PLXNA1: variants seen among roughly 807,000 people sequenced by gnomAD.
The protein encoded by PLXNA1 is plexin-A1.
Under a neutral mutation model 191.7 loss-of-function variants are expected in PLXNA1, and 77 were observed. The ratio of observed to expected loss-of-function variants is 0.40; its 90% CI spans 0.33 to 0.49. PLXNA1 has a LOEUF of 0.49. Ranked by LOEUF, PLXNA1 falls within the 20% of genes least tolerant of loss-of-function variation. The pLI is 0.63. For synonymous variants in PLXNA1, 1,137 were observed against 1,156.4 expected (o/e 0.98, Z 0.34); for missense variants, 2,110 against 2,660.2 (o/e 0.79, Z 4.55).
chr3:127,028,654 G>A, intron 25 of PLXNA1: 1 of 523,534 alleles, frequency 1.9e-6, no homozygotes, highest in South Asian at 2.4e-5. Flanking sequence ...GAGGGGATGG[G>A]ACGGGTTTGG....
intron 3 of PLXNA1, among the ~76,000 whole-genome samples, chr3:126,994,492 T>C (rs2079005699): frequency 6.7e-6 from 1 of 149,584 alleles, no homozygotes; most frequent in Non-Finnish European, 1.5e-5. Flanking sequence ...GGGTTTGGGG[T>C]GAGGGGCCAG....
intron 2 of PLXNA1, among the ~76,000 whole-genome samples, 155 bp from the exon 3 acceptor site, chr3:126,991,229 C>T (rs1274791330): frequency 2.6e-5 from 4 of 152,238 alleles, no homozygotes; most frequent in Non-Finnish European, 2.9e-5. Flanking sequence ...GATCTGCTCC[C>T]TCCTGTCTTA....
rs151286164 is a variant in PLXNA1 at position 127,027,987 on chromosome 3, G to A, written c.4410G>A (p.Gln1470=). The A allele has an allele frequency of 1.1e-4, 177 of 1,613,956 alleles. No homozygotes were observed. In the African/African-American group the frequency reaches 1.9e-3, roughly 17 times the overall value. The change falls in exon 24 of 32, where the codon CAG becomes CAA. Residue 1470 remains glutamine, a synonymous_variant. Coordinates refer to ENST00000393409, the MANE Select transcript of PLXNA1 (RefSeq NM_032242.4). ...PLFMLYCAIK[Q]QMEKGPIDAI... is the part of the protein sequence containing the mutation. The stretch of plus-strand genomic sequence containing the variant: ...TCATGCTGTACTGCGCCATCAAGCA[G>A]CAGATGGAGAAGGGCCCCATTGACG...
chr3:126,995,552 G>T (rs1271312374), intron 3 of PLXNA1, among the ~76,000 whole-genome samples: 1 of 152,282 alleles, frequency 6.6e-6, no homozygotes, highest in Non-Finnish European at 1.5e-5. Context: ...AAAGGAGCCA[G>T]CCCCTGGCTG....
At position 127,014,784 on chromosome 3, in the gene PLXNA1, T is replaced by C; in HGVS notation, c.2830T>C (p.Cys944Arg). The C allele has an allele frequency of 6.2e-7, 1 of 1,612,848 alleles. No individual in the cohort carries two copies. The highest frequency in any genetic ancestry group is 1.1e-5 in the South Asian group (1 of 91,064). Reference protein sequence around the residue: ...DALVEVCVRDCSPHYRALSPK... With the variant: ...DALVEVCVRDRSPHYRALSPK... ...CCTGGTGGAGGTGTGTGTGCGGGAC[T>C]GCTCACCACACTACCGCGCCCTGTC... The change falls in exon 14 of 32, where the codon TGC becomes CGC. Residue 944 changes from cysteine (C) to arginine (R), a missense_variant. Cys to Arg is a radical substitution (Grantham distance 180, BLOSUM62 -3). Around this residue, in one of 4 missense-constraint regions of PLXNA1, gnomAD observed 644 missense variants for 714.3 expected, o/e 0.90. Transcript: ENST00000393409.
At chr3:126,984,073 A>G (rs1197812989) in intron 1 of PLXNA1, among the ~76,000 whole-genome samples, 1 of 152,114 alleles carries the variant, frequency 6.6e-6, no homozygotes, top group Non-Finnish European at 1.5e-5. Context: ...TGCTTCCTGG[A>G]TAGTCCCGGG....
At chr3:127,003,896 C>T (rs2079053056) in intron 4 of PLXNA1, among the ~76,000 whole-genome samples, 1 of 152,240 alleles carries the variant, frequency 6.6e-6, no homozygotes, top group Non-Finnish European at 1.5e-5. Flanking sequence ...GGGCCTGTGG[C>T]TGGCCTGGTC....
At chr3:127,002,059 G>A (rs974428701) in intron 3 of PLXNA1, among the ~76,000 whole-genome samples, 2 of 152,226 alleles carry the variant, frequency 1.3e-5, no homozygotes, top group African/African-American at 4.8e-5. Flanking sequence ...CACTTGGTGC[G>A]GGTGTGGGTG....
intron 4 of PLXNA1, among the ~76,000 whole-genome samples, chr3:127,004,203 C>A (rs2079054426): frequency 1.3e-5 from 2 of 152,228 alleles, no homozygotes; most frequent in Admixed American, 1.3e-4. Flanking sequence ...AGCCAAGGAG[C>A]CAGAGTGAGC....
intron 23 of PLXNA1, among the ~76,000 whole-genome samples, chr3:127,024,050 G>C (rs188026872): frequency 6.6e-6 from 1 of 152,326 alleles, no homozygotes; most frequent in African/African-American, 2.4e-5. Flanking sequence ...ACAAAGTCGT[G>C]CGTGTCCTGT....
chr3:126,992,271 G>T (rs1360962433), intron 3 of PLXNA1, among the ~76,000 whole-genome samples: 1 of 152,132 alleles, frequency 6.6e-6, no homozygotes, highest in African/African-American at 2.4e-5. Flanking sequence ...CACCAGGCTG[G>T]CCTGGTGTGG....
chr3:127,003,624 C>T (rs1210432632), intron 4 of PLXNA1, among the ~76,000 whole-genome samples, 154 bp downstream of exon 4: 4 of 152,202 alleles, frequency 2.6e-5, no homozygotes, highest in Non-Finnish European at 5.9e-5. Context: ...GCTCTGCCTC[C>T]CTGCAGACTT....
At chr3:126,985,423 A>G (rs2078953424) in intron 1 of PLXNA1, among the ~76,000 whole-genome samples, 2 of 151,778 alleles carry the variant, frequency 1.3e-5, no homozygotes, top group Non-Finnish European at 2.9e-5. Flanking sequence ...CATGCCGGAG[A>G]GCCACAGCCG....
intron 3 of PLXNA1, among the ~76,000 whole-genome samples, chr3:126,999,791 CTG>C (rs1286728733): frequency 1.3e-5 from 2 of 152,146 alleles, no homozygotes; most frequent in African/African-American, 4.8e-5. Flanking sequence ...CCTGGCCTAT[CTG>C]TGGGGAGGGT....
chr3:127,008,747 G>A (rs532571154), intron 9 of PLXNA1, among the ~76,000 whole-genome samples: 2 of 152,262 alleles, frequency 1.3e-5, no homozygotes, highest in South Asian at 2.1e-4. Flanking sequence ...CAGGCTGGGG[G>A]CTGGGGGCTG....
Position 126,989,039 on chromosome 3 carries a change from T to C in PLXNA1, c.446T>C (p.Leu149Pro). ...CTGCGTCTGGACGATCTCTTCAAAC[T>C]GGGTGAGCCACACCACCGTAAGGAG... ...QFLRLDDLFK[L>P]GEPHHRKEHY... Residue 149 changes from leucine (L) to proline (P), a missense_variant, in exon 2 of 32, where the codon CTG becomes CCG. Transcript: ENST00000393409. 6.2e-7 allele frequency: 1 copy of C among 1,613,294 alleles called. No individual in the cohort carries two copies. Among genetic ancestry groups the C allele is most frequent in the Non-Finnish European group, 8.5e-7 (1 of 1,180,018 alleles).
chr3:127,012,123 T>G lies in PLXNA1; in HGVS notation c.2278T>G (p.Phe760Val), dbSNP rs1320333707. 6.2e-7 allele frequency: 1 copy of G among 1,613,030 alleles called. No homozygotes were observed. Among genetic ancestry groups the G allele is most frequent in the Non-Finnish European group, 8.5e-7 (1 of 1,179,952 alleles). The change falls in exon 10 of 32, where the codon TTC (phenylalanine) becomes GTC (valine). Residue 760 changes from phenylalanine (F) to valine (V), a missense_variant. This residue lies in a region of PLXNA1 where 644 missense variants were observed against 714.3 expected (regional missense o/e 0.90). Transcript: ENST00000393409. ...CCCGGCCCGTGTCACCGCCCTGCGC[T>G]TCAACAGCTCCAGCCTGCAGTGCCA... is the stretch of plus-strand genomic sequence containing the variant. Reference protein sequence around the residue: ...GSPARVTALRFNSSSLQCQNS... With the variant: ...GSPARVTALRVNSSSLQCQNS...
chr3:126,990,834 G>A (rs940068584), intron 2 of PLXNA1, among the ~76,000 whole-genome samples: 1 of 152,210 alleles, frequency 6.6e-6, no homozygotes, highest in Non-Finnish European at 1.5e-5. Flanking sequence ...TGGAGACACT[G>A]AGGCTTGTAG....
chr3:127,014,238 G>C lies in PLXNA1; in HGVS notation c.2467G>C (p.Asp823His), dbSNP rs555510429. The C allele has an allele frequency of 6.7e-5, 107 of 1,604,998 alleles. No homozygotes were observed. The East Asian group carries it at 2.3e-3, about 35-fold the overall frequency. The change falls in exon 12 of 32, where the codon GAC (aspartate) becomes CAC (histidine). Residue 823 changes from aspartate to histidine, a missense_variant. By Grantham distance (81) the Asp-to-His change is moderately conservative. Around this residue, in one of 4 missense-constraint regions of PLXNA1, gnomAD observed 644 missense variants for 714.3 expected, o/e 0.90. Coordinates refer to ENST00000393409, the MANE Select transcript of PLXNA1 (RefSeq NM_032242.4). ...RESCGLCLKA[D>H]PRFECGWCVA... ...GAGCTGCGGCCTCTGCCTCAAGGCC[G>C]ACCCGCGCTTCGAGTGCGGATGGTG...
Sources: allele counts gnomAD v4.1 joint callset (sites outside exome capture counted in the v4.1 genomes callset), GRCh38; gene constraint gnomAD v4.1.1; regional missense constraint gnomAD v4.1.1; transcripts MANE v1.5; gene names NCBI Gene and HGNC (gene_info 2026-07-23, HGNC 2026-07-21).